SEPTIN11: variants seen among roughly 807,000 people sequenced by gnomAD.
SEPTIN11 encodes septin 11.
SEPTIN11 carries 25 observed loss-of-function variants against 51.4 expected under a neutral mutation model. That is an observed-to-expected ratio of 0.49 (90% CI 0.35 to 0.68). SEPTIN11 has a LOEUF of 0.68. Ranked by LOEUF, SEPTIN11 falls within the 30% of genes least tolerant of loss-of-function variation. The pLI, the probability that SEPTIN11 is intolerant of heterozygous loss-of-function variation, is 0.00. For synonymous variants in SEPTIN11, 174 were observed against 184.1 expected, an observed-to-expected ratio of 0.95 and a Z score of 0.44; for missense variants, 381 against 520.8, an observed-to-expected ratio of 0.73 and a Z score of 2.61.
Position 77,036,452 on chromosome 4 carries a change from T to C in SEPTIN11, c.*1940T>C, listed in dbSNP as rs2109992465. The C allele has an allele frequency of 8.3e-7, 1 of 1,207,038 alleles. No individual in the cohort carries two copies. The highest frequency in any genetic ancestry group is 5.2e-5 in the East Asian group (1 of 19,230). 74.8% of individuals were successfully genotyped at this position (1,207,038 alleles called of 1,614,324 possible). A position where few individuals can be genotyped will look rare whatever the true frequency, so the allele number is the denominator to read the frequency against. On this transcript the variant is annotated 3_prime_UTR_variant, in exon 10 of 10. Coordinates refer to ENST00000264893, the MANE Select transcript of SEPTIN11 (RefSeq NM_018243.4). ...CGCTTGTGTGAGCATTTTTGTGGCTTGTACAGAAAGTACACTTTTAAATTG... is the reference window on the plus strand; with the variant it reads ...CGCTTGTGTGAGCATTTTTGTGGCTCGTACAGAAAGTACACTTTTAAATTG...
intron 7 of SEPTIN11, among the ~76,000 whole-genome samples, chr4:77,021,876 T>A (rs904199706): frequency 2.0e-5 from 3 of 152,202 alleles, no homozygotes; most frequent in African/African-American, 7.2e-5. Context: ...AGGAGTTCCA[T>A]GAGCATGTGT....
Position 77,035,398 on chromosome 4 carries a change from A to G in SEPTIN11, c.*886A>G. On this transcript the variant is annotated 3_prime_UTR_variant, in exon 10 of 10. Coordinates refer to ENST00000264893, the MANE Select transcript of SEPTIN11 (RefSeq NM_018243.4). Reference sequence around the variant, plus strand: ...CCAGTGGGCTTAGAGGGAGGACCTGATGACTGATTCCAGGATACTTGTACT... The same window carrying G: ...CCAGTGGGCTTAGAGGGAGGACCTGGTGACTGATTCCAGGATACTTGTACT... The G allele has an allele frequency of 1.0e-6, 1 of 985,420 alleles. No homozygotes were observed. The highest frequency in any genetic ancestry group is 6.1e-5 in the Admixed American group (1 of 16,286). 61.0% of individuals were successfully genotyped at this position (985,420 alleles called of 1,614,324 possible). A position where few individuals can be genotyped will look rare whatever the true frequency, so the allele number is the denominator to read the frequency against.
intron 5 of SEPTIN11, among the ~76,000 whole-genome samples, chr4:77,017,469 A>G (rs1257456785): frequency 6.6e-6 from 1 of 152,232 alleles, no homozygotes; most frequent in African/African-American, 2.4e-5. Context: ...TATTGACCAG[A>G]AAGGTCCTGT....
At chr4:77,034,430 C>T in intron 9 of SEPTIN11, 67 bp from the exon 10 acceptor site, 2 of 1,343,924 alleles carry the variant, frequency 1.5e-6, no homozygotes, top group South Asian at 1.5e-5. Flanking sequence ...TGCTGTCGCT[C>T]CTAATTTTCC....
At chr4:76,979,453 G>A (rs1336415034) in intron 1 of SEPTIN11, among the ~76,000 whole-genome samples, 1 of 152,148 alleles carries the variant, frequency 6.6e-6, no homozygotes, top group Non-Finnish European at 1.5e-5. Flanking sequence ...TATGGGCGGT[G>A]GTGGACTTAG....
chr4:76,991,087 G>C (rs774582737), intron 1 of SEPTIN11, among the ~76,000 whole-genome samples: 2 of 152,156 alleles, frequency 1.3e-5, no homozygotes, highest in Non-Finnish European at 2.9e-5. Context: ...AGCTTCTCCT[G>C]GAATGCCTAG....
At chr4:76,986,749 C>T (rs1180741871) in intron 1 of SEPTIN11, among the ~76,000 whole-genome samples, 1 of 152,136 alleles carries the variant, frequency 6.6e-6, no homozygotes, top group Non-Finnish European at 1.5e-5. Context: ...CTATTAGCTA[C>T]AATAAATATT....
At chr4:76,983,467 CA>C (rs1347884142) in intron 1 of SEPTIN11, among the ~76,000 whole-genome samples, 1 of 152,304 alleles carries the variant, frequency 6.6e-6, no homozygotes. Context: ...CTTGAGAGGA[CA>C]ACCTCCTTAG....
At chr4:77,005,920 A>G in intron 3 of SEPTIN11, 124 bp downstream of exon 3, 3 of 802,308 alleles carry the variant, frequency 3.7e-6, no homozygotes, top group Non-Finnish European at 6.0e-6. Flanking sequence ...TCTATTGCCT[A>G]AAAGGTGTGA....
intron 7 of SEPTIN11, among the ~76,000 whole-genome samples, chr4:77,027,280 T>C (rs1464828325): frequency 6.6e-6 from 1 of 152,052 alleles, no homozygotes; most frequent in Non-Finnish European, 1.5e-5. Context: ...GGATTACAGG[T>C]GCTCATCACC....
chr4:76,986,636 C>T (rs947533444), intron 1 of SEPTIN11, among the ~76,000 whole-genome samples: 4 of 152,162 alleles, frequency 2.6e-5, no homozygotes, highest in Admixed American at 2.0e-4. Context: ...TGGGCACCTT[C>T]CACTACACTT....
At chr4:77,016,441 G>GA (rs1036289837) in intron 5 of SEPTIN11, among the ~76,000 whole-genome samples, 16 of 128,488 alleles carry the variant, frequency 1.2e-4, no homozygotes, top group East Asian at 2.2e-4. Flanking sequence ...AAGATATTTG[G>GA]AAAAAAAAAA....
chr4:77,011,608 G>A (rs1724870884), intron 3 of SEPTIN11, 127 bp from the exon 4 acceptor site: 1 of 764,224 alleles, frequency 1.3e-6, no homozygotes, highest in Non-Finnish European at 2.1e-6. Flanking sequence ...GGTGATGGAA[G>A]GCCTGGATAC....
intron 7 of SEPTIN11, among the ~76,000 whole-genome samples, chr4:77,026,498 A>C (rs1037842053): frequency 1.3e-5 from 2 of 152,194 alleles, no homozygotes; most frequent in Non-Finnish European, 2.9e-5. Context: ...GTATGCAACA[A>C]AATGTGCCTA....
chr4:76,973,788 A>G (rs1722361584), intron 1 of SEPTIN11, among the ~76,000 whole-genome samples: 1 of 152,180 alleles, frequency 6.6e-6, no homozygotes, highest in African/African-American at 2.4e-5. Flanking sequence ...CACATCTGCG[A>G]GGATGTACAC....
chr4:76,999,626 T>G (rs1197118044), intron 2 of SEPTIN11, among the ~76,000 whole-genome samples: 1 of 152,212 alleles, frequency 6.6e-6, no homozygotes, highest in Non-Finnish European at 1.5e-5. Flanking sequence ...TTTTGTGGCG[T>G]GAACCTGTAG....
At chr4:77,033,036 G>A (rs922842438) in intron 9 of SEPTIN11, among the ~76,000 whole-genome samples, 7 of 152,056 alleles carry the variant, frequency 4.6e-5, no homozygotes, top group Non-Finnish European at 8.8e-5. Flanking sequence ...CAGAGTAGTC[G>A]CCAGGTTTTG....
intron 1 of SEPTIN11, among the ~76,000 whole-genome samples, chr4:76,958,428 C>T (rs1578116084): frequency 6.6e-6 from 1 of 152,194 alleles, no homozygotes; most frequent in African/African-American, 2.4e-5. Flanking sequence ...GGGTGGCCTT[C>T]CCTCTTCCCC....
chr4:76,960,953 T>A (rs192101402), intron 1 of SEPTIN11, among the ~76,000 whole-genome samples: 1 of 152,362 alleles, frequency 6.6e-6, no homozygotes, highest in Non-Finnish European at 1.5e-5. Context: ...AAGTCATTCA[T>A]GACTGTGCAG....
Sources: gnomAD v4.1 joint callset for allele counts (sites outside exome capture counted in the v4.1 genomes callset) on GRCh38, gnomAD v4.1.1 for gene constraint, MANE v1.5 for transcripts, NCBI Gene and HGNC (gene_info 2026-07-23, HGNC 2026-07-21) for gene names.